Variants in DPH6 observed in about 807,000 individuals in gnomAD.
The protein encoded by DPH6 is diphthamine biosynthesis 6, also known as diphthine--ammonia ligase.
In DPH6, 33 loss-of-function variants were observed where a neutral mutation model predicts 38.2. The ratio of observed to expected loss-of-function variants is 0.86; its 90% CI spans 0.65 to 1.15. The LOEUF (loss-of-function observed/expected upper bound fraction) is 1.15. Ranked by LOEUF, DPH6 falls within the 50% of genes most tolerant of loss-of-function variation. DPH6 has a pLI of 0.00. For missense variants in DPH6, 325 were observed against 320.0 expected (o/e 1.02, Z -0.12); for synonymous variants, 108 against 103.0 (o/e 1.05, Z -0.30).
At chr15:35,397,250 G>C (rs2053146538) in intron 6 of DPH6, among the ~76,000 whole-genome samples, 1 of 152,188 alleles carries the variant, frequency 6.6e-6, no homozygotes. Flanking sequence ...TTTGACTCAA[G>C]GCTGGAGGCC....
At chr15:35,325,688 G>C (rs545007485) in intron 3 of DPH6, among the ~76,000 whole-genome samples, 149 of 152,168 alleles carry the variant, frequency 9.8e-4, no homozygotes, top group Non-Finnish European at 1.8e-3. Context: ...TTTTCTTAAA[G>C]AGGACATTGA....
chr15:35,245,811 A>T (rs2051634154), intron 3 of DPH6, among the ~76,000 whole-genome samples: 1 of 152,216 alleles, frequency 6.6e-6, no homozygotes. Context: ...AGTGTTACCT[A>T]TAGGACATGA....
intron 2 of DPH6, among the ~76,000 whole-genome samples, chr15:35,541,980 AAAATT>A (rs1212953009): frequency 1.3e-5 from 2 of 152,148 alleles, no homozygotes; most frequent in Non-Finnish European, 2.9e-5. Context: ...TTTTAATAAT[AAAATT>A]AATATATCAT....
At chr15:35,175,245 A>G in the DPH6 span, among the ~76,000 whole-genome samples, 5 of 152,242 alleles carry the variant, frequency 3.3e-5, no homozygotes, top group African/African-American at 7.2e-5. Flanking sequence ...CGATAAGGCC[A>G]TAACACTCAC....
At chr15:35,303,159 T>C (rs2052065613) in intron 3 of DPH6, among the ~76,000 whole-genome samples, 1 of 152,114 alleles carries the variant, frequency 6.6e-6, no homozygotes, top group African/African-American at 2.4e-5. Context: ...AAGCACTCCC[T>C]GACTTTTCCA....
chr15:35,383,586 A>G (rs887004020), intron 6 of DPH6, among the ~76,000 whole-genome samples: 4 of 152,236 alleles, frequency 2.6e-5, no homozygotes, highest in African/African-American at 9.6e-5. Flanking sequence ...ATAAATGAAT[A>G]GGCACAATGT....
At chr15:35,209,900 A>G in the DPH6 span, among the ~76,000 whole-genome samples, 6 of 152,226 alleles carry the variant, frequency 3.9e-5, no homozygotes, top group African/African-American at 1.4e-4. Flanking sequence ...TTGGTAGGCT[A>G]GAAATAAAAT....
intron 3 of DPH6, among the ~76,000 whole-genome samples, chr15:35,486,016 A>G (rs1479683630): frequency 6.6e-6 from 1 of 152,228 alleles, no homozygotes; most frequent in African/African-American, 2.4e-5. Context: ...GTATTAGTCC[A>G]TTCTCATGCT....
chr15:35,387,322 C>G (rs566344717), intron 6 of DPH6, among the ~76,000 whole-genome samples: 1 of 152,102 alleles, frequency 6.6e-6, no homozygotes, highest in African/African-American at 2.4e-5. Flanking sequence ...CTTGGCAATG[C>G]GGGCTCTTTT....
chr15:35,435,682 T>C (rs765081551), intron 5 of DPH6, among the ~76,000 whole-genome samples: 7 of 152,184 alleles, frequency 4.6e-5, no homozygotes, highest in Non-Finnish European at 8.8e-5. Context: ...TCTGTATGCC[T>C]AATTTTTCTT....
Position 35,237,562 on chromosome 15 carries a change from C to G in DPH6, n.201-16980G>C, listed in dbSNP as rs569011084. The G allele has an allele frequency of 6.5e-6, 10 of 1,550,170 alleles. No individual in the cohort carries two copies. In the Middle Eastern group the frequency reaches 1.5e-3, roughly 235 times the overall value. Reference sequence around the variant, plus strand: ...TAAGCGATAACAGAGTCTCGGGGGGCGTGGAAGCATTGGCAGAAAAGTGTC... The same window carrying G: ...TAAGCGATAACAGAGTCTCGGGGGGGGTGGAAGCATTGGCAGAAAAGTGTC... On this transcript the variant is annotated intron_variant and non_coding_transcript_variant, in intron 3 of 3. Coordinates refer to the DPH6 transcript ENST00000560386.
intron 3 of DPH6, among the ~76,000 whole-genome samples, chr15:35,311,714 G>A (rs2052143162): frequency 6.6e-6 from 1 of 152,146 alleles, no homozygotes; most frequent in African/African-American, 2.4e-5. Context: ...GATTAAATGA[G>A]TATAAGTTAC....
chr15:35,393,236 A>G (rs2140962622), intron 6 of DPH6, among the ~76,000 whole-genome samples: 1 of 152,308 alleles, frequency 6.6e-6, no homozygotes, highest in African/African-American at 2.4e-5. Context: ...AGCAATGGGG[A>G]TGGAGAGGAG....
the DPH6 span, among the ~76,000 whole-genome samples, chr15:35,177,601 ATCATC>A: frequency 7.1e-4 from 78 of 109,844 alleles, 3 homozygotes; most frequent in South Asian, 2.5e-3. Context: ...AAAAAAAAAA[ATCATC>A]ATCATCATCA....
At chr15:35,519,397 T>C (rs1010061556) in intron 3 of DPH6, 5 of 151,984 alleles carry the variant, frequency 3.3e-5, no homozygotes, top group African/African-American at 7.2e-5. Flanking sequence ...AAAATACTCC[T>C]ATCAGAGTTC....
At chr15:35,255,477 CTA>C (rs972924922) in intron 3 of DPH6, among the ~76,000 whole-genome samples, 1 of 152,118 alleles carries the variant, frequency 6.6e-6, no homozygotes, top group African/African-American at 2.4e-5. Context: ...TCAAATAGTT[CTA>C]TGACTTCTTC....
chr15:35,292,239 A>C (rs1012563336), intron 3 of DPH6, among the ~76,000 whole-genome samples: 8 of 152,202 alleles, frequency 5.3e-5, no homozygotes, highest in Non-Finnish European at 8.8e-5. Context: ...AACACGCTCC[A>C]GACACCTGAT....
At chr15:35,207,038 C>G in the DPH6 span, among the ~76,000 whole-genome samples, 1 of 74,068 alleles carries the variant, frequency 1.4e-5, no homozygotes, top group Non-Finnish European at 2.4e-5. Flanking sequence ...TTTAGTAAAG[C>G]TTTTTTTTTT....
chr15:35,535,150 C>T (rs910259146), intron 3 of DPH6, among the ~76,000 whole-genome samples: 1 of 152,062 alleles, frequency 6.6e-6, no homozygotes, highest in African/African-American at 2.4e-5. Context: ...ACACTCAATA[C>T]AGCATTACTG....
Sources: gnomAD v4.1 joint callset for allele counts (sites outside exome capture counted in the v4.1 genomes callset) on GRCh38, gnomAD v4.1.1 for gene constraint, MANE v1.5 for transcripts, NCBI Gene and HGNC (gene_info 2026-07-23, HGNC 2026-07-21) for gene names.